Variants in CSMD1 observed in about 807,000 individuals in gnomAD.
CSMD1 encodes CUB and Sushi multiple domains 1.
Under a neutral mutation model 417.5 loss-of-function variants are expected in CSMD1, and 213 were observed. That is an observed-to-expected ratio of 0.51 (90% CI 0.46 to 0.57). The LOEUF is 0.57. CSMD1 is among the 20% of genes least tolerant of loss of function. The probability of loss-of-function intolerance (pLI) is 0.00; values close to 1 mark genes in which losing one functional copy is unlikely to be tolerated. For synonymous variants in CSMD1, 2,862 were observed against 1,736.8 expected, an observed-to-expected ratio of 1.65 and a Z score of -16.11; for missense variants, 6,923 against 4,529.7, an observed-to-expected ratio of 1.53 and a Z score of -15.17.
intron 6 of CSMD1, among the ~76,000 whole-genome samples, chr8:3,723,008 C>T (rs561558802): frequency 6.6e-6 from 1 of 152,314 alleles, no homozygotes; most frequent in South Asian, 2.1e-4. Context: ...AGGTGAAGCT[C>T]AGCTGGGCCC....
At chr8:3,830,370 C>A (rs559627472) in intron 5 of CSMD1, among the ~76,000 whole-genome samples, 2 of 152,310 alleles carry the variant, frequency 1.3e-5, no homozygotes, top group Admixed American at 6.5e-5. Context: ...AGGTTGCTTT[C>A]CCTCAAGGAG....
At chr8:4,153,872 C>A (rs957966475) in intron 3 of CSMD1, among the ~76,000 whole-genome samples, 2 of 152,214 alleles carry the variant, frequency 1.3e-5, no homozygotes, top group Admixed American at 6.5e-5. Context: ...TTTCCTGACT[C>A]ATGGCAGCAA....
intron 3 of CSMD1, among the ~76,000 whole-genome samples, chr8:4,232,390 G>C (rs1019538895): frequency 6.6e-6 from 1 of 152,066 alleles, no homozygotes; most frequent in African/African-American, 2.4e-5. Flanking sequence ...GTAGAGACGG[G>C]GTTTCCCCAC....
Position 4,627,503 on chromosome 8 carries a change from G to A in CSMD1, c.302+9839C>T, listed in dbSNP as rs1006335495. 2.8e-4 allele frequency among the ~76,000 whole-genome samples: 43 copies of A among 152,132 alleles called. 1 individual carries two copies. The highest frequency in any genetic ancestry group is 9.9e-4 in the African/African-American group (41 of 41,410). On this transcript the variant is annotated intron_variant, in intron 2 of 69. Transcript: ENST00000635120. ...TGATTCTTGACACTTTCTTTTCTCA[G>A]AAGGTATTAAATAAAATAACTATTT...
At chr8:4,391,968 T>C (rs772593048) in intron 3 of CSMD1, among the ~76,000 whole-genome samples, 6 of 152,138 alleles carry the variant, frequency 3.9e-5, no homozygotes, top group Non-Finnish European at 7.3e-5. Flanking sequence ...AGAAAGCACA[T>C]TAAAAGAGAG....
At chr8:3,894,600 T>C (rs889992420) in intron 5 of CSMD1, among the ~76,000 whole-genome samples, 4 of 152,250 alleles carry the variant, frequency 2.6e-5, no homozygotes, top group Non-Finnish European at 5.9e-5. Context: ...TGTATGGGGC[T>C]ATTTACAGAA....
chr8:3,868,843 A>C (rs1357692811), intron 5 of CSMD1, among the ~76,000 whole-genome samples: 2 of 152,130 alleles, frequency 1.3e-5, no homozygotes, highest in Non-Finnish European at 2.9e-5. Context: ...CATCCAAGCC[A>C]CCATTTTCTC....
At chr8:2,960,084 G>C (rs1222088658) in intron 62 of CSMD1, among the ~76,000 whole-genome samples, 1 of 152,192 alleles carries the variant, frequency 6.6e-6, no homozygotes, top group East Asian at 1.9e-4. Context: ...GTTAAGAATT[G>C]CTCAAAGCAA....
At chr8:4,397,174 A>G (rs765957428) in intron 3 of CSMD1, among the ~76,000 whole-genome samples, 1 of 152,158 alleles carries the variant, frequency 6.6e-6, no homozygotes, top group African/African-American at 2.4e-5. Context: ...ATGCATGATG[A>G]TCAACATGTA....
chr8:3,630,505 A>G (rs528597762), intron 7 of CSMD1, among the ~76,000 whole-genome samples: 1 of 152,328 alleles, frequency 6.6e-6, no homozygotes, highest in South Asian at 2.1e-4. Flanking sequence ...TCCAATTTAT[A>G]TGTTAAACAG....
At chr8:3,506,103 T>C (rs546730281) in intron 10 of CSMD1, among the ~76,000 whole-genome samples, 1 of 152,246 alleles carries the variant, frequency 6.6e-6, no homozygotes, top group South Asian at 2.1e-4. Flanking sequence ...TAAGGAGGTG[T>C]CTCATCGGAG....
chr8:4,268,669 C>G (rs1004084893), intron 3 of CSMD1, among the ~76,000 whole-genome samples: 1 of 151,482 alleles, frequency 6.6e-6, no homozygotes, highest in East Asian at 1.9e-4. Flanking sequence ...CAAGTACATA[C>G]AAAATAAGGA....
intron 5 of CSMD1, among the ~76,000 whole-genome samples, chr8:3,841,871 T>C (rs1424916530): frequency 6.6e-6 from 1 of 151,734 alleles, no homozygotes; most frequent in East Asian, 2.0e-4. Context: ...TCCTGGCCCT[T>C]GGGTTGGCCA....
chr8:3,631,427 G>C (rs887364942), intron 7 of CSMD1, among the ~76,000 whole-genome samples: 2 of 152,188 alleles, frequency 1.3e-5, no homozygotes, highest in East Asian at 3.9e-4. Flanking sequence ...TGAGCCTGGA[G>C]CGTTGTGAAC....
rs1341645586 is a variant in CSMD1 at position 3,904,642 on chromosome 8, T to TC, written c.818+93260_818+93261insG. 4.7e-5 allele frequency among the ~76,000 whole-genome samples: 7 copies of TC among 149,216 alleles called. No individual in the cohort carries two copies. The East Asian group carries it at 7.8e-4, about 17-fold the overall frequency. On this transcript the variant is annotated intron_variant, in intron 5 of 69. Coordinates refer to ENST00000635120, the MANE Select transcript of CSMD1 (RefSeq NM_033225.6). Reference sequence around the variant, plus strand: ...TTCTTTCTTTCTCGTTTTCTTTCTTTTTTTTTTTTTTTGAGATGAAGTCTT... The same window carrying TC: ...TTCTTTCTTTCTCGTTTTCTTTCTTTCTTTTTTTTTTTTGAGATGAAGTCTT...
At chr8:4,277,343 C>G (rs369311514) in intron 3 of CSMD1, among the ~76,000 whole-genome samples, 4 of 152,150 alleles carry the variant, frequency 2.6e-5, no homozygotes, top group East Asian at 1.9e-4. Context: ...GATTTCTGAC[C>G]TTTCACTCCT....
At chr8:4,923,942 C>T (rs1209587351) in intron 1 of CSMD1, among the ~76,000 whole-genome samples, 1 of 152,310 alleles carries the variant, frequency 6.6e-6, no homozygotes, top group East Asian at 1.9e-4. Flanking sequence ...AGTAGCTTAG[C>T]AAGCTATTCT....
chr8:3,730,053 C>T (rs753569168), intron 6 of CSMD1, among the ~76,000 whole-genome samples: 1 of 151,190 alleles, frequency 6.6e-6, no homozygotes, highest in Non-Finnish European at 1.5e-5. Flanking sequence ...TCCACAGGTC[C>T]TCTACCTTAA....
intron 3 of CSMD1, among the ~76,000 whole-genome samples, chr8:4,217,105 T>C (rs938820486): frequency 1.3e-5 from 2 of 152,216 alleles, no homozygotes; most frequent in African/African-American, 4.8e-5. Context: ...GCTGACATTT[T>C]AGTTGGTGTA....
Sources: gnomAD v4.1 joint callset for allele counts (sites outside exome capture counted in the v4.1 genomes callset) on GRCh38, gnomAD v4.1.1 for gene constraint, MANE v1.5 for transcripts, NCBI Gene and HGNC (gene_info 2026-07-23, HGNC 2026-07-21) for gene names.